Variants in FAT3 observed in about 807,000 individuals in gnomAD.
FAT3 encodes the protein FAT atypical cadherin 3.
In FAT3, 95 loss-of-function variants were observed where a neutral mutation model predicts 310.2. That is an observed-to-expected ratio of 0.31 (90% CI 0.26 to 0.36). FAT3 has a LOEUF of 0.36. Ranked by LOEUF, FAT3 falls within the 10% of genes least tolerant of loss-of-function variation. FAT3 has a pLI of 1.00. For missense variants in FAT3, 5,408 were observed against 5,715.6 expected (o/e 0.95, Z 1.74); for synonymous variants, 2,314 against 2,192.9 (o/e 1.06, Z -1.54).
At chr11:92,251,080 A>T (rs1054447997) in intron 1 of FAT3, among the ~76,000 whole-genome samples, 1 of 152,158 alleles carries the variant, frequency 6.6e-6, no homozygotes, top group African/African-American at 2.4e-5. Flanking sequence ...CAGATTCAGA[A>T]AAGTTCCCTT....
chr11:92,446,290 T>C (rs1230841342), intron 2 of FAT3, among the ~76,000 whole-genome samples: 1 of 152,184 alleles, frequency 6.6e-6, no homozygotes. Context: ...TGTGTTACTA[T>C]TCCCATTTTA....
At chr11:92,315,813 T>C (rs1209188125) in intron 1 of FAT3, among the ~76,000 whole-genome samples, 2 of 151,958 alleles carry the variant, frequency 1.3e-5, no homozygotes, top group African/African-American at 2.4e-5. Context: ...TGAGCCACCA[T>C]GCCTGATCCA....
At chr11:92,724,367 G>A (rs1186122201) in intron 4 of FAT3, among the ~76,000 whole-genome samples, 1 of 152,164 alleles carries the variant, frequency 6.6e-6, no homozygotes, top group Non-Finnish European at 1.5e-5. Context: ...CTTGCACCAT[G>A]TCACTTAGAC....
intron 2 of FAT3, among the ~76,000 whole-genome samples, chr11:92,423,274 A>T (rs1950567362): frequency 6.6e-6 from 1 of 152,166 alleles, no homozygotes; most frequent in African/African-American, 2.4e-5. Context: ...CCATGAAGTT[A>T]GTCGGTTGCA....
At chr11:92,541,502 A>G (rs488486) in intron 3 of FAT3, among the ~76,000 whole-genome samples, 84,809 of 151,948 alleles carry the variant, frequency 0.56, 24,144 homozygotes, top group East Asian at 0.77. Flanking sequence ...GAAATTTTAT[A>G]TTGACATAGT....
intron 9 of FAT3, among the ~76,000 whole-genome samples, chr11:92,796,481 T>C (rs539895365): frequency 1.0e-3 from 154 of 152,292 alleles, no homozygotes; most frequent in African/African-American, 3.5e-3. Context: ...ATAATTAGCA[T>C]GTAGGAAGAG....
chr11:92,412,715 A>G (rs1303038191), intron 2 of FAT3, among the ~76,000 whole-genome samples: 1 of 22,960 alleles, frequency 4.4e-5, no homozygotes, highest in Non-Finnish European at 1.2e-4. Context: ...ATATATATAT[A>G]TATATATATA....
chr11:92,800,900 T>C lies in FAT3; in HGVS notation c.7887T>C (p.Asp2629=). 1 of 1,613,162 alleles carries C rather than the reference T, an allele frequency of 6.2e-7. No homozygotes were observed. Among genetic ancestry groups the C allele is most frequent in the Non-Finnish European group, 8.5e-7 (1 of 1,179,564 alleles). Residue 2629 remains aspartate (D), a synonymous_variant, in exon 10 of 28, where the codon GAT becomes GAC. Coordinates refer to ENST00000525166, the MANE Select transcript of FAT3 (RefSeq NM_001367949.2). ...VTQVQAIDPD[D]GANSRITYSL... is the part of the protein sequence containing the mutation. ...AAGTTCAAGCCATAGATCCCGATGA[T>C]GGAGCAAATTCAAGGATTACTTATT...
chr11:92,476,269 T>C (rs1441691346), intron 2 of FAT3, among the ~76,000 whole-genome samples: 1 of 152,296 alleles, frequency 6.6e-6, no homozygotes, highest in South Asian at 2.1e-4. Flanking sequence ...CTGAAAGCAA[T>C]TGACCAGATG....
At chr11:92,454,568 A>G (rs1302158791) in intron 2 of FAT3, among the ~76,000 whole-genome samples, 1 of 152,186 alleles carries the variant, frequency 6.6e-6, no homozygotes, top group South Asian at 2.1e-4. Context: ...TGATTACTTA[A>G]TGGAAGTCAG....
At chr11:92,330,358 T>TG (rs1446387197) in intron 1 of FAT3, among the ~76,000 whole-genome samples, 1 of 152,240 alleles carries the variant, frequency 6.6e-6, no homozygotes. Context: ...GTCTGCCTGT[T>TG]GGAGAATCTA....
chr11:92,384,882 T>A (rs1380494652), intron 2 of FAT3, among the ~76,000 whole-genome samples: 1 of 152,190 alleles, frequency 6.6e-6, no homozygotes, highest in African/African-American at 2.4e-5. Context: ...TAGTTATTCA[T>A]AAAGCTTGCT....
At chr11:92,279,483 G>A (rs1946366352) in intron 1 of FAT3, among the ~76,000 whole-genome samples, 1 of 152,126 alleles carries the variant, frequency 6.6e-6, no homozygotes, top group Admixed American at 6.5e-5. Flanking sequence ...TGCTTCACAT[G>A]TATTAACTCA....
rs538309803 is a variant in FAT3 at position 92,716,281 on chromosome 11, G to A, written c.3669+18836G>A. 1.1e-4 allele frequency among the ~76,000 whole-genome samples: 16 copies of A among 152,272 alleles called. No individual in the cohort carries two copies. The South Asian group carries it at 1.9e-3, about 18-fold the overall frequency. On this transcript the variant is annotated intron_variant, in intron 4 of 27. Coordinates refer to ENST00000525166, the MANE Select transcript of FAT3 (RefSeq NM_001367949.2). The stretch of plus-strand genomic sequence containing the variant: ...TGTCAGAAGCTGGTGTTCAGTAGCA[G>A]GCATGTATAGACATCATAAGTTTGG...
At chr11:92,563,103 C>T (rs997453470) in intron 3 of FAT3, among the ~76,000 whole-genome samples, 9 of 152,258 alleles carry the variant, frequency 5.9e-5, no homozygotes, top group African/African-American at 2.2e-4. Flanking sequence ...AATGTGGCTT[C>T]TGCCTGTTAT....
intron 7 of FAT3, among the ~76,000 whole-genome samples, chr11:92,787,780 AATT>A (rs1211416877): frequency 1.3e-5 from 2 of 151,728 alleles, no homozygotes; most frequent in African/African-American, 4.8e-5. Flanking sequence ...AGAATGTTGG[AATT>A]ATTCTGAGAT....
intron 2 of FAT3, among the ~76,000 whole-genome samples, chr11:92,412,722 T>TAC (rs1429219895): frequency 5.6e-5 from 1 of 17,734 alleles, no homozygotes; most frequent in African/African-American, 1.1e-4. Context: ...TATATATATA[T>TAC]ATATATATAT....
At chr11:92,735,596 AGAT>A (rs1326262715) in intron 4 of FAT3, among the ~76,000 whole-genome samples, 4 of 150,944 alleles carry the variant, frequency 2.6e-5, no homozygotes, top group African/African-American at 9.7e-5. Context: ...ATAGATAGAT[AGAT>A]AGAAATTAAT....
At chr11:92,305,214 C>G (rs986450758) in intron 1 of FAT3, among the ~76,000 whole-genome samples, 3 of 152,052 alleles carry the variant, frequency 2.0e-5, no homozygotes, top group African/African-American at 7.2e-5. Flanking sequence ...ATAGGTGGCA[C>G]TGAGAGGTCT....
Sources: allele counts gnomAD v4.1 joint callset (sites outside exome capture counted in the v4.1 genomes callset), GRCh38; gene constraint gnomAD v4.1.1; transcripts MANE v1.5; gene names NCBI Gene and HGNC (gene_info 2026-07-23, HGNC 2026-07-21).